Variants in SMG6 observed in about 807,000 individuals in gnomAD.
SMG6 encodes the protein SMG6 nonsense mediated mRNA decay factor.
In SMG6, 66 loss-of-function variants were observed where a neutral mutation model predicts 142.2. The observed-to-expected ratio is 0.46, with a 90% CI of 0.38 to 0.57. SMG6 has a LOEUF of 0.57. SMG6 is among the 20% of genes least tolerant of loss of function. The pLI, the probability that SMG6 is intolerant of heterozygous loss-of-function variation, is 0.00. For missense variants in SMG6, 1,793 were observed against 1,832.0 expected, an observed-to-expected ratio of 0.98 and a Z score of 0.39; for synonymous variants, 779 against 702.4, an observed-to-expected ratio of 1.11 and a Z score of -1.72.
At chr17:2,298,468 C>G (rs1366352361) in intron 2 of SMG6, among the ~76,000 whole-genome samples, 1 of 152,058 alleles carries the variant, frequency 6.6e-6, no homozygotes, top group African/African-American at 2.4e-5. Context: ...GCCTGTAATC[C>G]CAGCACTTTG....
chr17:2,252,933 TAA>T (rs1175293629), intron 8 of SMG6, among the ~76,000 whole-genome samples: 2 of 151,244 alleles, frequency 1.3e-5, no homozygotes, highest in African/African-American at 2.4e-5. Context: ...AAAAAAAAAA[TAA>T]GAGAATATTT....
In SMG6 at chr17:2,211,877, C is replaced by G. The variant is rs1376318836; in HGVS notation, c.2870-23362G>C. Reference sequence around the variant, plus strand: ...ATCCCCACATCCACATCTCTCGCTCCAACTCTTCCTGCCCAACCTGCCAAT... The same window carrying G: ...ATCCCCACATCCACATCTCTCGCTCGAACTCTTCCTGCCCAACCTGCCAAT... On this transcript the variant is annotated intron_variant, in intron 10 of 18. Coordinates refer to ENST00000263073, the MANE Select transcript of SMG6 (RefSeq NM_017575.5). Among the ~76,000 whole-genome samples the G allele has an allele frequency of 2.0e-5, 3 of 152,064 alleles. No homozygotes were observed. In the East Asian group the frequency reaches 5.8e-4, roughly 29 times the overall value.
intron 10 of SMG6, among the ~76,000 whole-genome samples, chr17:2,205,304 AGTGATCC>A (rs1455003410): frequency 6.6e-6 from 1 of 152,088 alleles, no homozygotes; most frequent in East Asian, 1.9e-4. Context: ...CCTGACCTCA[AGTGATCC>A]GTCCATCTTG....
At chr17:2,136,032 G>C (rs12452258) in intron 13 of SMG6, among the ~76,000 whole-genome samples, 7 of 137,998 alleles carry the variant, frequency 5.1e-5, no homozygotes, top group East Asian at 2.1e-4. Flanking sequence ...GTGTGTGTGT[G>C]TGTGTCTGTG....
chr17:2,297,187 A>T, intron 4 of SMG6, 56 bp downstream of exon 4: 1 of 1,258,282 alleles, frequency 7.9e-7, no homozygotes, highest in Non-Finnish European at 1.1e-6. Context: ...ACCTAACACT[A>T]GATAAACGCT....
chr17:2,097,667 C>T (rs1156887667), intron 13 of SMG6, among the ~76,000 whole-genome samples: 1 of 152,166 alleles, frequency 6.6e-6, no homozygotes. Context: ...AGAAAACAAA[C>T]TCAAATTCTG....
At chr17:2,108,293 C>A (rs1255413111) in intron 13 of SMG6, among the ~76,000 whole-genome samples, 1 of 152,136 alleles carries the variant, frequency 6.6e-6, no homozygotes. Context: ...CCCCAGCGTC[C>A]ACTATGAAAA....
intron 15 of SMG6, among the ~76,000 whole-genome samples, chr17:2,073,833 C>CT (rs2068182040): frequency 6.6e-6 from 1 of 151,700 alleles, no homozygotes; most frequent in African/African-American, 2.4e-5. Flanking sequence ...AATCCCAGCA[C>CT]TTTGGGAGGC....
intron 8 of SMG6, among the ~76,000 whole-genome samples, chr17:2,271,116 G>T (rs1301606113): frequency 2.1e-4 from 28 of 132,222 alleles, no homozygotes; most frequent in Admixed American, 3.8e-4. Context: ...TTTTTTTCTG[G>T]TTTTTTTTTT....
intron 8 of SMG6, among the ~76,000 whole-genome samples, chr17:2,253,119 TTTTA>T (rs10528623): frequency 6.6e-4 from 86 of 130,684 alleles, no homozygotes; most frequent in Admixed American, 1.0e-3. Context: ...AAATATTTTA[TTTTA>T]TTTATTTATT....
At chr17:2,157,367 C>T (rs936175989) in intron 13 of SMG6, among the ~76,000 whole-genome samples, 2 of 152,182 alleles carry the variant, frequency 1.3e-5, no homozygotes, top group Middle Eastern at 3.2e-3. Context: ...AGTTCCCTGC[C>T]CCACAAACAC....
intron 7 of SMG6, 75 bp from the exon 8 acceptor site, chr17:2,282,934 G>T: frequency 7.1e-7 from 1 of 1,401,746 alleles, no homozygotes; most frequent in Admixed American, 1.7e-5. Flanking sequence ...ACTTAGAGAT[G>T]CGGAGGCAGG....
chr17:2,195,960 C>T (rs2072311741), intron 10 of SMG6, among the ~76,000 whole-genome samples: 1 of 152,318 alleles, frequency 6.6e-6, no homozygotes, highest in Non-Finnish European at 1.5e-5. Context: ...GCTCAGACTA[C>T]TCCAACCACA....
chr17:2,302,519 C>T (rs959439026), intron 1 of SMG6, among the ~76,000 whole-genome samples: 6 of 152,062 alleles, frequency 3.9e-5, no homozygotes, highest in African/African-American at 4.8e-5. Flanking sequence ...CCAGCCTGGG[C>T]GACAGAGCTA....
chr17:2,177,034 A>G (rs557199527), intron 12 of SMG6, among the ~76,000 whole-genome samples: 9 of 152,316 alleles, frequency 5.9e-5, no homozygotes, highest in African/African-American at 2.2e-4. Flanking sequence ...ACAGAAACAA[A>G]CCAACACACA....
At chr17:2,289,530 C>T (rs1480500313) in intron 6 of SMG6, among the ~76,000 whole-genome samples, 3 of 152,052 alleles carry the variant, frequency 2.0e-5, no homozygotes, top group Non-Finnish European at 4.4e-5. Context: ...GCACTCCAGC[C>T]TAGGTGACAG....
intron 13 of SMG6, among the ~76,000 whole-genome samples, chr17:2,158,040 G>C (rs7208638): frequency 0.36 from 54,328 of 152,058 alleles, 10,426 homozygotes; most frequent in African/African-American, 0.5. Context: ...AGAATTTAAG[G>C]GAGTAATAAA....
chr17:2,067,221 G>A (rs895001852), intron 16 of SMG6, among the ~76,000 whole-genome samples: 4 of 152,132 alleles, frequency 2.6e-5, no homozygotes, highest in East Asian at 1.9e-4. Context: ...CACCGAATCC[G>A]GATTTCCTTA....
intron 13 of SMG6, among the ~76,000 whole-genome samples, chr17:2,116,789 GAAGATATTTTC>G (rs1310203467): frequency 6.6e-6 from 1 of 151,644 alleles, no homozygotes; most frequent in Non-Finnish European, 1.5e-5. Flanking sequence ...CAGACTGCGA[GAAGATATTTTC>G]AATACTTCTA....
Sources: gnomAD v4.1 joint callset for allele counts (sites outside exome capture counted in the v4.1 genomes callset) on GRCh38, gnomAD v4.1.1 for gene constraint, MANE v1.5 for transcripts, NCBI Gene and HGNC (gene_info 2026-07-23, HGNC 2026-07-21) for gene names.